Variants in SLC38A12 observed in about 807,000 individuals in gnomAD.
SLC38A12 encodes putative sodium-coupled neutral amino acid transporter 12.
chr17:74,811,728 A>G, the SLC38A12 span, among the ~76,000 whole-genome samples: 1 of 149,206 alleles, frequency 6.7e-6, no homozygotes, highest in Non-Finnish European at 1.5e-5. Flanking sequence ...CAAAAAAAGA[A>G]AAAAGAAAAG....
At chr17:74,836,564 G>C in the SLC38A12 span, 10 of 1,613,188 alleles carry the variant, frequency 6.2e-6, no homozygotes, top group African/African-American at 1.2e-4. The surrounding 1 kb of genome is among the most constrained non-coding windows in gnomAD (Gnocchi z 4.2). Flanking sequence ...TTGGCTGTGG[G>C]GTCAGCAACA....
the SLC38A12 span, among the ~76,000 whole-genome samples, chr17:74,794,666 C>T: frequency 6.6e-6 from 1 of 152,076 alleles, no homozygotes; most frequent in East Asian, 1.9e-4. Flanking sequence ...GGTTCAGGCT[C>T]CTGACTCGGG....
chr17:74,833,712 G>A, the SLC38A12 span, among the ~76,000 whole-genome samples: 1 of 152,200 alleles, frequency 6.6e-6, no homozygotes, highest in Admixed American at 6.5e-5. Context: ...CCGAGTGACA[G>A]ACAGCTAGAG....
At chr17:74,795,495 C>A in the SLC38A12 span, 1 of 1,605,960 alleles carries the variant, frequency 6.2e-7, no homozygotes, top group Admixed American at 1.7e-5. Context: ...CCTCGCTGAG[C>A]CTGGGCCTGC....
chr17:74,805,238 G>A, the SLC38A12 span, among the ~76,000 whole-genome samples: 6 of 152,224 alleles, frequency 3.9e-5, no homozygotes, highest in African/African-American at 1.4e-4. The surrounding 1 kb of genome is among the most constrained non-coding windows in gnomAD (Gnocchi z 5.0). Flanking sequence ...AGGGCTTCCC[G>A]TGCCTGCCTT....
At chr17:74,833,022 T>TTGTG in the SLC38A12 span, among the ~76,000 whole-genome samples, 2 of 151,622 alleles carry the variant, frequency 1.3e-5, no homozygotes, top group African/African-American at 2.4e-5. Context: ...CGTGGCTTGT[T>TTGTG]TGTTTGTTTG....
chr17:74,824,771 G>C, the SLC38A12 span, among the ~76,000 whole-genome samples: 1 of 152,108 alleles, frequency 6.6e-6, no homozygotes, highest in Non-Finnish European at 1.5e-5. Context: ...TCCTCTTCAG[G>C]CGTTTGTGGA....
the SLC38A12 span, chr17:74,785,665 G>A: frequency 1.3e-6 from 2 of 1,581,180 alleles, no homozygotes; most frequent in Non-Finnish European, 1.7e-6. Flanking sequence ...AGTCAGCCCA[G>A]GAAGCCCGAA....
the SLC38A12 span, among the ~76,000 whole-genome samples, chr17:74,827,548 G>A: frequency 2.0e-5 from 3 of 152,004 alleles, no homozygotes; most frequent in Admixed American, 1.3e-4. The surrounding 1 kb of genome is among the most constrained non-coding windows in gnomAD (Gnocchi z 4.7). Flanking sequence ...CACCCACCTC[G>A]GCCTCCCAAA....
chr17:74,826,191 C>A, the SLC38A12 span, among the ~76,000 whole-genome samples: 2 of 152,202 alleles, frequency 1.3e-5, no homozygotes, highest in East Asian at 3.9e-4. Flanking sequence ...GCGCCACCTG[C>A]CAGGCTCCGA....
At chr17:74,786,074 G>A in the SLC38A12 span, among the ~76,000 whole-genome samples, 1 of 152,346 alleles carries the variant, frequency 6.6e-6, no homozygotes, top group African/African-American at 2.4e-5. Flanking sequence ...ACACACGCCT[G>A]GGTGCACGAT....
At chr17:74,782,268 A>G in the SLC38A12 span, among the ~76,000 whole-genome samples, 3 of 152,016 alleles carry the variant, frequency 2.0e-5, no homozygotes, top group Admixed American at 6.6e-5. Flanking sequence ...GAGTTTTACT[A>G]TGTTGCCCAG....
At chr17:74,839,012 A>G in the SLC38A12 span, 8 of 1,535,650 alleles carry the variant, frequency 5.2e-6, no homozygotes, top group Non-Finnish European at 5.2e-6. Context: ...TGCCACCTGC[A>G]TGGCCCCAGA....
chr17:74,818,112 G>A, the SLC38A12 span, among the ~76,000 whole-genome samples: 5 of 152,270 alleles, frequency 3.3e-5, no homozygotes, highest in African/African-American at 1.2e-4. Flanking sequence ...ATGGTGCTGC[G>A]TACAGACCTG....
the SLC38A12 span, among the ~76,000 whole-genome samples, chr17:74,791,390 T>A: frequency 7.9e-6 from 1 of 125,876 alleles, no homozygotes. Flanking sequence ...TCCAGTGAGG[T>A]TCAGGAACCC....
the SLC38A12 span, among the ~76,000 whole-genome samples, chr17:74,787,233 C>CCTGA: frequency 6.6e-6 from 1 of 152,126 alleles, no homozygotes; most frequent in Non-Finnish European, 1.5e-5. Flanking sequence ...CCTCCTGCCA[C>CCTGA]CTGACGTCAG....
At chr17:74,825,057 T>G in the SLC38A12 span, among the ~76,000 whole-genome samples, 1 of 152,198 alleles carries the variant, frequency 6.6e-6, no homozygotes, top group Non-Finnish European at 1.5e-5. Flanking sequence ...GGCCATCTGG[T>G]GCCCACTGCT....
At chr17:74,817,729 G>C in the SLC38A12 span, among the ~76,000 whole-genome samples, 1 of 152,174 alleles carries the variant, frequency 6.6e-6, no homozygotes, top group African/African-American at 2.4e-5. Context: ...CAGGCAGCCT[G>C]CAGGAGCATT....
At chr17:74,790,770 C>CT in the SLC38A12 span, among the ~76,000 whole-genome samples, 10,762 of 139,838 alleles carry the variant, frequency 0.077, 492 homozygotes, top group Middle Eastern at 0.11. Flanking sequence ...TCTGAATTCC[C>CT]TTAAAAAAAA....
Sources: gnomAD v4.1 joint callset for allele counts (sites outside exome capture counted in the v4.1 genomes callset) on GRCh38, gnomAD v4.1.1 for gene constraint, Gnocchi (gnomAD v3.1) non-coding constraint, MANE v1.5 for transcripts, NCBI Gene and HGNC (gene_info 2026-07-23, HGNC 2026-07-21) for gene names.